The following TSPAN14 variants were observed in gnomAD, a reference collection of about 807,000 sequenced individuals.
The protein encoded by TSPAN14 is tetraspanin-14.
Under a neutral mutation model 36.6 loss-of-function variants are expected in TSPAN14, and 16 were observed. That is an observed-to-expected ratio of 0.44 (90% CI 0.30 to 0.66). The LOEUF (loss-of-function observed/expected upper bound fraction) is 0.66. TSPAN14 is among the 30% of genes least tolerant of loss of function. TSPAN14 has a pLI of 0.12. For missense variants in TSPAN14, 231 were observed against 355.1 expected, an observed-to-expected ratio of 0.65 and a Z score of 2.81; for synonymous variants, 139 against 143.8, an observed-to-expected ratio of 0.97 and a Z score of 0.24.
intron 2 of TSPAN14, among the ~76,000 whole-genome samples, chr10:80,493,765 G>C (rs571965568): frequency 6.6e-6 from 1 of 152,222 alleles, no homozygotes; most frequent in Non-Finnish European, 1.5e-5. Context: ...TTGGGGAGTT[G>C]TTGGTTAGTG....
chr10:80,463,491 A>G (rs761209442), intron 1 of TSPAN14, among the ~76,000 whole-genome samples: 4 of 152,208 alleles, frequency 2.6e-5, no homozygotes, highest in Admixed American at 6.5e-5. Flanking sequence ...TGGTATACTA[A>G]TTATGCTGTT....
At chr10:80,515,855 C>G (rs1477435959) in intron 7 of TSPAN14, 1 of 212,330 alleles carries the variant, frequency 4.7e-6, no homozygotes, top group East Asian at 1.1e-4. Context: ...CCAGGTTTCT[C>G]TCCCTTTAGA....
chr10:80,505,013 A>G lies in TSPAN14; in HGVS notation c.132+235A>G, dbSNP rs144437193. Among the ~76,000 whole-genome samples, 756 of 152,146 alleles carry G rather than the reference A, an allele frequency of 5.0e-3. 17 individuals are homozygous for G. Among genetic ancestry groups the G allele is most frequent in the Non-Finnish European group, 1.1e-3 (74 of 67,998 alleles). On this transcript the variant is annotated intron_variant, in intron 3 of 8. Transcript: ENST00000429989. Reference sequence around the variant, plus strand: ...GGTTTTGAGCCCTGTGGATGTGGAGAGCTCAGCTCTTGTATGCAGCTGTGC... The same window carrying G: ...GGTTTTGAGCCCTGTGGATGTGGAGGGCTCAGCTCTTGTATGCAGCTGTGC...
At chr10:80,510,240 G>C (rs1326728936) in intron 5 of TSPAN14, among the ~76,000 whole-genome samples, 1 of 152,228 alleles carries the variant, frequency 6.6e-6, no homozygotes, top group Non-Finnish European at 1.5e-5. Context: ...CTTTGGTTTT[G>C]AGAAGAAAAT....
intron 1 of TSPAN14, among the ~76,000 whole-genome samples, chr10:80,464,129 G>T (rs527615576): frequency 3.9e-4 from 59 of 152,298 alleles, no homozygotes; most frequent in African/African-American, 1.3e-3. Flanking sequence ...TGAAGGGGGA[G>T]CGTTGGTTGC....
intron 1 of TSPAN14, among the ~76,000 whole-genome samples, chr10:80,471,252 G>GT (rs760825801): frequency 9.2e-5 from 14 of 152,230 alleles, no homozygotes; most frequent in Non-Finnish European, 1.8e-4. Context: ...GTCTTTAGGT[G>GT]TTTGTCTCCC....
At chr10:80,461,889 T>C (rs1310833153) in intron 1 of TSPAN14, among the ~76,000 whole-genome samples, 2 of 150,978 alleles carry the variant, frequency 1.3e-5, no homozygotes, top group Admixed American at 6.6e-5. Flanking sequence ...AGTATGGTTC[T>C]CACTGTTGTG....
At position 80,500,314 on chromosome 10, in the gene TSPAN14, C is replaced by CTTTTTTT. The variant is rs144759161; in HGVS notation, c.82-4388_82-4382dup. Among the ~76,000 whole-genome samples the CTTTTTTT allele has an allele frequency of 6.8e-3, 326 of 47,912 alleles. 10 individuals are homozygous for CTTTTTTT. The highest frequency in any genetic ancestry group is 0.019 in the Middle Eastern group (1 of 54). 31.4% of individuals were successfully genotyped at this position (47,912 alleles called of 152,430 possible). A position where few individuals can be genotyped will look rare whatever the true frequency, so the allele number is the denominator to read the frequency against. On this transcript the variant is annotated intron_variant, in intron 2 of 8. Coordinates refer to ENST00000429989, the Ensembl canonical transcript of TSPAN14. ...AATGAAAACAACACAAGGCCTTATT[C>CTTTTTTT]TTTTTTTTTTTTTTTTTTTTTTTTT... is the stretch of plus-strand genomic sequence containing the variant.
chr10:80,464,610 C>T (rs1035213215), intron 1 of TSPAN14, among the ~76,000 whole-genome samples: 6 of 152,194 alleles, frequency 3.9e-5, no homozygotes, highest in Admixed American at 6.5e-5. Flanking sequence ...CCTGCCATGG[C>T]TCTCCCACCC....
chr10:80,459,588 A>G (rs1260081315), intron 1 of TSPAN14: 1 of 152,586 alleles, frequency 6.6e-6, no homozygotes, highest in Non-Finnish European at 1.5e-5. Context: ...TGCATGGGTA[A>G]GGTTTGGGGA....
intron 1 of TSPAN14, among the ~76,000 whole-genome samples, chr10:80,478,698 A>G (rs891383929): frequency 2.0e-5 from 3 of 152,196 alleles, no homozygotes; most frequent in African/African-American, 7.2e-5. Flanking sequence ...CATCATGCTC[A>G]ATGAAATGGA....
intron 1 of TSPAN14, among the ~76,000 whole-genome samples, chr10:80,468,868 C>CT (rs1422729563): frequency 6.6e-6 from 1 of 152,096 alleles, no homozygotes; most frequent in African/African-American, 2.4e-5. Context: ...CCTGAATGCA[C>CT]TTTCATGTTT....
intron 1 of TSPAN14, among the ~76,000 whole-genome samples, chr10:80,479,751 G>T (rs1589255786): frequency 6.6e-6 from 1 of 151,562 alleles, no homozygotes; most frequent in East Asian, 1.9e-4. Context: ...TGTTCTTTTG[G>T]CTTAGGATTG....
intron 4 of TSPAN14, among the ~76,000 whole-genome samples, chr10:80,508,109 C>A (rs1233150445): frequency 6.9e-6 from 1 of 145,102 alleles, no homozygotes; most frequent in African/African-American, 2.7e-5. Context: ...TTTCCTTTTT[C>A]TTTTCTTTTC....
intron 1 of TSPAN14, chr10:80,485,511 A>G (rs1471171628): frequency 1.2e-5 from 5 of 424,828 alleles, no homozygotes; most frequent in Non-Finnish European, 1.6e-5. Context: ...CAGCTCCATC[A>G]TTACCCCTCC....
chr10:80,480,867 A>AC (rs1252577500), intron 1 of TSPAN14, among the ~76,000 whole-genome samples: 3 of 152,190 alleles, frequency 2.0e-5, no homozygotes, highest in African/African-American at 7.2e-5. Context: ...CCAGCATGGC[A>AC]CATGTATACA....
chr10:80,476,033 C>T (rs1846861560), intron 1 of TSPAN14, among the ~76,000 whole-genome samples: 1 of 152,134 alleles, frequency 6.6e-6, no homozygotes, highest in Non-Finnish European at 1.5e-5. Context: ...CACATTTTTC[C>T]CTAAACTTTG....
At chr10:80,504,338 A>G (rs1263153404) in intron 2 of TSPAN14, among the ~76,000 whole-genome samples, 2 of 152,042 alleles carry the variant, frequency 1.3e-5, no homozygotes, top group African/African-American at 4.8e-5. Context: ...CTGTGTTGGG[A>G]ACCTCTGAGG....
chr10:80,462,089 AT>A (rs202223011), intron 1 of TSPAN14, among the ~76,000 whole-genome samples: 1 of 151,826 alleles, frequency 6.6e-6, no homozygotes, highest in Non-Finnish European at 1.5e-5. Flanking sequence ...AATTTAAAGA[AT>A]TTTTTGTAGA....
Sources: allele counts gnomAD v4.1 joint callset (sites outside exome capture counted in the v4.1 genomes callset), GRCh38; gene constraint gnomAD v4.1.1; transcripts MANE v1.5; gene names NCBI Gene and HGNC (gene_info 2026-07-23, HGNC 2026-07-21).